Variants in ADAMTSL1 observed in about 807,000 individuals in gnomAD.
ADAMTSL1 encodes the protein ADAMTS-like protein 1.
A neutral mutation model predicts 201.8 loss-of-function variants in ADAMTSL1; 126 were observed. The observed-to-expected ratio is 0.62, with a 90% CI of 0.54 to 0.72. The LOEUF (loss-of-function observed/expected upper bound fraction) is 0.72, where lower values mean the gene tolerates loss of function less well. Among genes scored for constraint, ADAMTSL1 ranks in the 30% least tolerant of loss-of-function variants. The pLI, the probability that ADAMTSL1 is intolerant of heterozygous loss-of-function variation, is 0.00. For missense variants in ADAMTSL1, 2,679 were observed against 2,277.8 expected (o/e 1.18, Z -3.59); for synonymous variants, 1,121 against 903.4 (o/e 1.24, Z -4.32).
chr9:18,839,623 T>C (rs1825581750), intron 23 of ADAMTSL1, among the ~76,000 whole-genome samples: 1 of 152,242 alleles, frequency 6.6e-6, no homozygotes, highest in Admixed American at 6.5e-5. Context: ...CCTTCCACAA[T>C]GGATGAACTA....
intron 14 of ADAMTSL1, among the ~76,000 whole-genome samples, chr9:18,719,589 C>T (rs1833202539): frequency 1.3e-5 from 2 of 152,206 alleles, no homozygotes; most frequent in African/African-American, 4.8e-5. Context: ...GTCTCGAACT[C>T]CTGACTTCAG....
At chr9:18,282,548 G>T (rs914340024) in intron 2 of ADAMTSL1, among the ~76,000 whole-genome samples, 8 of 152,114 alleles carry the variant, frequency 5.3e-5, no homozygotes, top group Admixed American at 5.2e-4. Flanking sequence ...ATTTATTCAG[G>T]CTTGCTTTAT....
intron 16 of ADAMTSL1, among the ~76,000 whole-genome samples, chr9:18,768,523 TG>T (rs1820494273): frequency 6.8e-6 from 1 of 146,288 alleles, no homozygotes; most frequent in Non-Finnish European, 1.5e-5. Context: ...TCACATTTTT[TG>T]TTAGCCTTCA....
At chr9:18,897,134 T>G (rs1829691846) in intron 26 of ADAMTSL1, among the ~76,000 whole-genome samples, 1 of 152,216 alleles carries the variant, frequency 6.6e-6, no homozygotes, top group Non-Finnish European at 1.5e-5. Flanking sequence ...CCAGAATGAT[T>G]GTTTAAGTGG....
Position 18,654,886 on chromosome 9 carries a change from G to A in ADAMTSL1, c.835-2753G>A, listed in dbSNP as rs532189269. 2.6e-5 allele frequency among the ~76,000 whole-genome samples: 4 copies of A among 152,344 alleles called. No individual in the cohort carries two copies. The South Asian group carries it at 8.3e-4, about 32-fold the overall frequency. On this transcript the variant is annotated intron_variant, in intron 7 of 28. Coordinates refer to ENST00000380548, the MANE Select transcript of ADAMTSL1 (RefSeq NM_001040272.6). The stretch of plus-strand genomic sequence containing the variant: ...ACATCCCTGTCGCTCTGAGAGCAGT[G>A]TGACCAAGTCACATAACACTGTGGA...
intron 1 of ADAMTSL1, among the ~76,000 whole-genome samples, chr9:18,076,232 A>G (rs566326358): frequency 1.1e-4 from 16 of 152,190 alleles, no homozygotes; most frequent in South Asian, 1.0e-3. Context: ...CATGGGAAAT[A>G]TTGGAAATAT....
chr9:18,016,651 G>T (rs1382059675), intron 1 of ADAMTSL1, among the ~76,000 whole-genome samples: 1 of 152,128 alleles, frequency 6.6e-6, no homozygotes, highest in East Asian at 1.9e-4. Flanking sequence ...TAGTCCAGAA[G>T]AAAGAGACTC....
intron 1 of ADAMTSL1, among the ~76,000 whole-genome samples, chr9:18,047,669 C>G (rs956320476): frequency 5.9e-5 from 9 of 152,084 alleles, no homozygotes; most frequent in Non-Finnish European, 5.9e-5. Flanking sequence ...AACCTGTAAA[C>G]TGAACCCAGC....
At chr9:18,624,960 T>C (rs1244071561) in intron 5 of ADAMTSL1, among the ~76,000 whole-genome samples, 4 of 152,200 alleles carry the variant, frequency 2.6e-5, no homozygotes, top group African/African-American at 7.2e-5. Context: ...AAGCCCACCA[T>C]ATGCATGCAC....
chr9:18,826,730 C>T (rs898389049), intron 22 of ADAMTSL1, among the ~76,000 whole-genome samples: 7 of 152,160 alleles, frequency 4.6e-5, no homozygotes, highest in Non-Finnish European at 2.9e-5. Flanking sequence ...GGTCTCTATG[C>T]GGAGACTCCA....
chr9:18,631,144 GA>G (rs1332899380), intron 5 of ADAMTSL1, among the ~76,000 whole-genome samples: 1 of 152,190 alleles, frequency 6.6e-6, no homozygotes, highest in African/African-American at 2.4e-5. Flanking sequence ...TGGAATCAAT[GA>G]AATAGGGTAT....
chr9:18,271,311 C>T (rs963685800), intron 2 of ADAMTSL1, among the ~76,000 whole-genome samples: 1 of 152,052 alleles, frequency 6.6e-6, no homozygotes. Flanking sequence ...AGGTATATCT[C>T]CTAATGCTAT....
At position 18,797,799 on chromosome 9, in the gene ADAMTSL1, A is replaced by C. The variant is rs1421803806; in HGVS notation, c.3805+2275A>C. Among the ~76,000 whole-genome samples the C allele has an allele frequency of 2.6e-5, 4 of 152,156 alleles. No homozygotes were observed. In the East Asian group the frequency reaches 7.7e-4, roughly 29 times the overall value. On this transcript the variant is annotated intron_variant, in intron 20 of 28. Coordinates refer to ENST00000380548, the MANE Select transcript of ADAMTSL1 (RefSeq NM_001040272.6). ...GATTGCACGTGTGAAAAAGCACTTA[A>C]CCCAATGCCAGGCACATTGTTCATA...
intron 3 of ADAMTSL1, among the ~76,000 whole-genome samples, chr9:18,553,500 C>T (rs1311625171): frequency 6.6e-6 from 1 of 151,740 alleles, no homozygotes; most frequent in African/African-American, 2.4e-5. Flanking sequence ...TACTTGAAAA[C>T]ATTCCACTTT....
chr9:18,649,219 G>A (rs976216324), intron 7 of ADAMTSL1, among the ~76,000 whole-genome samples: 35 of 152,044 alleles, frequency 2.3e-4, no homozygotes, highest in African/African-American at 7.0e-4. Flanking sequence ...TAGTTCTCGC[G>A]CCTTGGCTTT....
intron 1 of ADAMTSL1, among the ~76,000 whole-genome samples, chr9:18,045,884 C>CA (rs551018479): frequency 2.0e-5 from 3 of 151,530 alleles, no homozygotes; most frequent in East Asian, 1.9e-4. Flanking sequence ...AATTTTGGAG[C>CA]AAAAAAAATT....
intron 2 of ADAMTSL1, among the ~76,000 whole-genome samples, chr9:18,324,751 C>T (rs141775761): frequency 0.018 from 2,600 of 147,602 alleles, 67 homozygotes; most frequent in African/African-American, 0.062. Context: ...GCAACAAGAG[C>T]GAAACTCCAT....
At chr9:18,553,249 C>G (rs894733545) in intron 3 of ADAMTSL1, among the ~76,000 whole-genome samples, 1 of 149,746 alleles carries the variant, frequency 6.7e-6, no homozygotes, top group Admixed American at 6.7e-5. Flanking sequence ...TCCCTCTTCC[C>G]TCTACTGGTT....
chr9:18,516,122 C>G (rs542030431), intron 2 of ADAMTSL1, among the ~76,000 whole-genome samples: 1 of 150,070 alleles, frequency 6.7e-6, no homozygotes, highest in Non-Finnish European at 1.5e-5. Context: ...GAAAGATTTC[C>G]TAATGCTACT....
Sources: gnomAD v4.1 joint callset for allele counts (sites outside exome capture counted in the v4.1 genomes callset) on GRCh38, gnomAD v4.1.1 for gene constraint, MANE v1.5 for transcripts, NCBI Gene and HGNC (gene_info 2026-07-23, HGNC 2026-07-21) for gene names.